The following GKAP1 variants were observed in gnomAD, a reference collection of about 807,000 sequenced individuals.
The protein encoded by GKAP1 is G kinase-anchoring protein 1.
In GKAP1, 31 loss-of-function variants were observed where a neutral mutation model predicts 56.7. The observed-to-expected ratio is 0.55, with a 90% confidence interval of 0.41 to 0.74. The LOEUF (loss-of-function observed/expected upper bound fraction) is 0.74. Ranked by LOEUF, GKAP1 falls within the 30% of genes least tolerant of loss-of-function variation. The pLI is 0.00. For missense variants in GKAP1, 364 were observed against 402.3 expected (o/e 0.90, Z 0.82); for synonymous variants, 151 against 138.6 (o/e 1.09, Z -0.63).
chr9:83,803,921 G>A (rs1201237907), intron 3 of GKAP1, among the ~76,000 whole-genome samples: 1 of 151,296 alleles, frequency 6.6e-6, no homozygotes, highest in Non-Finnish European at 1.5e-5. Flanking sequence ...TCTGGGATGT[G>A]AGGAGCGCCT....
chr9:83,788,701 T>C (rs752284030), intron 4 of GKAP1, 23 bp from the exon 5 acceptor site: 3 of 1,493,250 alleles, frequency 2.0e-6, no homozygotes, highest in African/African-American at 2.8e-5. Flanking sequence ...AGTTTCACAA[T>C]AAACAGACAG....
At chr9:83,757,540 T>C (rs915469271) in intron 8 of GKAP1, among the ~76,000 whole-genome samples, 2 of 152,204 alleles carry the variant, frequency 1.3e-5, no homozygotes, top group African/African-American at 2.4e-5. Context: ...TTGAAAAGCA[T>C]AGCCTAAGGA....
At chr9:83,740,830 T>C (rs1384670622) in intron 12 of GKAP1, among the ~76,000 whole-genome samples, 1 of 152,136 alleles carries the variant, frequency 6.6e-6, no homozygotes, top group African/African-American at 2.4e-5. Flanking sequence ...TTCTCTTTGT[T>C]TCTTTCATTC....
At chr9:83,741,732 G>A (rs1943212285) in intron 12 of GKAP1, among the ~76,000 whole-genome samples, 1 of 151,978 alleles carries the variant, frequency 6.6e-6, no homozygotes, top group South Asian at 2.1e-4. Flanking sequence ...CATCTATGTA[G>A]TACCAAGAAT....
At chr9:83,768,050 AT>A (rs1291005992) in intron 8 of GKAP1, among the ~76,000 whole-genome samples, 1 of 152,134 alleles carries the variant, frequency 6.6e-6, no homozygotes, top group Non-Finnish European at 1.5e-5. Context: ...AGTCCTTATA[AT>A]AACAGACCAC....
At chr9:83,763,927 C>T (rs1263490982) in intron 8 of GKAP1, among the ~76,000 whole-genome samples, 1 of 152,134 alleles carries the variant, frequency 6.6e-6, no homozygotes, top group Non-Finnish European at 1.5e-5. Flanking sequence ...CATACTGCTA[C>T]TTAATTATTT....
Position 83,801,138 on chromosome 9 carries a change from C to T in GKAP1, c.217-1810G>A, listed in dbSNP as rs905403198. On this transcript the variant is annotated intron_variant, in intron 3 of 12. Coordinates refer to ENST00000376371, the MANE Select transcript of GKAP1 (RefSeq NM_025211.4). ...GGCCCTAATCCAATATGACTGGTAT[C>T]CTTATACAAAGAGGTGAAGACACAG... is the stretch of plus-strand genomic sequence containing the variant. Among the ~76,000 whole-genome samples the T allele has an allele frequency of 2.6e-5, 4 of 152,164 alleles. No individual in the cohort carries two copies. The South Asian group carries it at 8.3e-4, about 32-fold the overall frequency.
At chr9:83,743,456 A>T (rs1348820074) in intron 10 of GKAP1, among the ~76,000 whole-genome samples, 2 of 151,964 alleles carry the variant, frequency 1.3e-5, no homozygotes, top group Admixed American at 1.3e-4. Flanking sequence ...TTAGCCAGGT[A>T]TGGTGGCACA....
intron 3 of GKAP1, among the ~76,000 whole-genome samples, chr9:83,804,626 G>A (rs1352466476): frequency 7.1e-6 from 1 of 140,054 alleles, no homozygotes; most frequent in Non-Finnish European, 1.6e-5. Flanking sequence ...GGAGGTGGGG[G>A]GGGTCAGCCC....
rs72749103 is a variant in GKAP1 at position 83,775,564 on chromosome 9, A to C, written c.585+4818T>G. 4.3e-3 allele frequency among the ~76,000 whole-genome samples: 650 copies of C among 152,264 alleles called. 2 individuals carry two copies. The highest frequency in any genetic ancestry group is 6.1e-3 in the Non-Finnish European group (415 of 68,020). On this transcript the variant is annotated intron_variant, in intron 7 of 12. Transcript: ENST00000376371. The stretch of plus-strand genomic sequence containing the variant: ...GCCTTGGCAGATGTTAAAAAGGAAA[A>C]AAAAATTTTTTTTGAAAGAAAACAA...
At chr9:83,771,346 G>A (rs968194328) in intron 7 of GKAP1, among the ~76,000 whole-genome samples, 2 of 152,092 alleles carry the variant, frequency 1.3e-5, no homozygotes, top group African/African-American at 4.8e-5. Context: ...GCCTCCCAAA[G>A]TGCTAGGATT....
chr9:83,798,849 A>G (rs1252540038), intron 4 of GKAP1, among the ~76,000 whole-genome samples: 4 of 152,132 alleles, frequency 2.6e-5, no homozygotes, highest in Non-Finnish European at 5.9e-5. Context: ...TATTTTTAAC[A>G]AGAGATTTCT....
At chr9:83,801,203 G>C (rs1016070996) in intron 3 of GKAP1, among the ~76,000 whole-genome samples, 2 of 152,142 alleles carry the variant, frequency 1.3e-5, no homozygotes, top group African/African-American at 4.8e-5. Context: ...GGCAGAGATT[G>C]GGGTGAGGAC....
In GKAP1 at chr9:83,786,423, C is replaced by T. The variant is rs536473651; in HGVS notation, c.439-1585G>A. The stretch of plus-strand genomic sequence containing the variant: ...CAGGGTGGTGGCACATGCCTGTAAT[C>T]CCAGCTACTCGGGAGGCTGAGGCAG... On this transcript the variant is annotated intron_variant, in intron 5 of 12. Transcript: ENST00000376371. Among the ~76,000 whole-genome samples, 7 of 152,146 alleles carry T rather than the reference C, an allele frequency of 4.6e-5. No homozygotes were observed. In the East Asian group the frequency reaches 1.4e-3, roughly 29 times the overall value.
At chr9:83,799,941 G>A (rs879818117) in intron 3 of GKAP1, among the ~76,000 whole-genome samples, 3 of 152,120 alleles carry the variant, frequency 2.0e-5, no homozygotes, top group Admixed American at 2.0e-4. Context: ...CTCCAGCCTG[G>A]GCAACAGAGT....
At chr9:83,807,562 A>C (rs111721068) in intron 2 of GKAP1, among the ~76,000 whole-genome samples, 1 of 152,228 alleles carries the variant, frequency 6.6e-6, no homozygotes, top group East Asian at 1.9e-4. Flanking sequence ...AAAGGTTAAC[A>C]AAACGTTAAC....
At chr9:83,799,720 G>T (rs1363882475) in intron 3 of GKAP1, among the ~76,000 whole-genome samples, 1 of 152,176 alleles carries the variant, frequency 6.6e-6, no homozygotes, top group Non-Finnish European at 1.5e-5. Context: ...TTGGAAGGGT[G>T]AAGCAGGTGG....
intron 4 of GKAP1, among the ~76,000 whole-genome samples, chr9:83,789,311 A>G (rs186583683): frequency 6.6e-6 from 1 of 152,276 alleles, no homozygotes; most frequent in East Asian, 1.9e-4. Context: ...TCCAGTTTTC[A>G]CCACCCTCCA....
rs555525358 is a variant in GKAP1 at position 83,784,856 on chromosome 9, C to G, written c.439-18G>C. 50 of 1,514,096 alleles carry G rather than the reference C, an allele frequency of 3.3e-5. No individual in the cohort carries two copies. The South Asian group carries it at 5.6e-4, about 17-fold the overall frequency. The allele number at this position is 1,514,096 out of a possible 1,614,324, so 93.8% of individuals were successfully genotyped here. ...TCATACTCCTAAAAAGAATTACCAA[C>G]AACAATTAAGTTCAGTTTACAAACT... On this transcript the variant is annotated intron_variant, in intron 5 of 12. Transcript: ENST00000376371.
Sources: allele counts gnomAD v4.1 joint callset (sites outside exome capture counted in the v4.1 genomes callset), GRCh38; gene constraint gnomAD v4.1.1; transcripts MANE v1.5; gene names NCBI Gene and HGNC (gene_info 2026-07-23, HGNC 2026-07-21).